DOCK1: variants seen among roughly 807,000 people sequenced by gnomAD.
The protein encoded by DOCK1 is dedicator of cytokinesis 1.
DOCK1 carries 138 observed loss-of-function variants against 262.7 expected under a neutral mutation model. The observed-to-expected ratio is 0.53, with a 90% CI of 0.46 to 0.61. DOCK1 has a LOEUF of 0.61. Among genes scored for constraint, DOCK1 ranks in the 20% least tolerant of loss-of-function variants. The probability of loss-of-function intolerance (pLI) is 0.00; values close to 1 mark genes in which losing one functional copy is unlikely to be tolerated. For missense variants in DOCK1, 1,908 were observed against 2,370.7 expected (o/e 0.80, Z 4.05); for synonymous variants, 866 against 867.4 (o/e 1.00, Z 0.03).
At chr10:126,964,111 A>G (rs1435026004) in intron 1 of DOCK1, among the ~76,000 whole-genome samples, 1 of 152,170 alleles carries the variant, frequency 6.6e-6, no homozygotes, top group Non-Finnish European at 1.5e-5. Flanking sequence ...GTTTGCAACA[A>G]TACAGTTGAC....
intron 13 of DOCK1, among the ~76,000 whole-genome samples, chr10:127,019,756 A>C (rs553815793): frequency 6.6e-6 from 1 of 152,232 alleles, no homozygotes; most frequent in East Asian, 1.9e-4. Flanking sequence ...CTCAAAACAA[A>C]ACTAACTTGA....
chr10:127,236,498 G>T (rs61876360), intron 27 of DOCK1, among the ~76,000 whole-genome samples: 1 of 108,812 alleles, frequency 9.2e-6, no homozygotes, highest in African/African-American at 3.7e-5. Context: ...TTCTTGACAC[G>T]GGTTTTTTTT....
chr10:127,038,413 G>A (rs2043798800), intron 19 of DOCK1, among the ~76,000 whole-genome samples: 1 of 152,268 alleles, frequency 6.6e-6, no homozygotes, highest in African/African-American at 2.4e-5. Context: ...CAACAGTTCA[G>A]TGACCTCTTT....
chr10:127,432,237 GAT>G (rs1477002807), intron 47 of DOCK1, among the ~76,000 whole-genome samples: 1 of 152,118 alleles, frequency 6.6e-6, no homozygotes, highest in Non-Finnish European at 1.5e-5. Flanking sequence ...TTATGAAAGA[GAT>G]AGTTTACACA....
chr10:127,166,373 T>A (rs1203643445), intron 27 of DOCK1, among the ~76,000 whole-genome samples: 1 of 152,220 alleles, frequency 6.6e-6, no homozygotes, highest in Non-Finnish European at 1.5e-5. Context: ...CCCAAAAAAA[T>A]GCCTGCATTT....
intron 43 of DOCK1, 102 bp from the exon 44 acceptor site, chr10:127,415,050 C>A (rs2068077077): frequency 1.8e-6 from 2 of 1,082,654 alleles, no homozygotes; most frequent in East Asian, 2.5e-5. Flanking sequence ...TGCTGAAGGA[C>A]CTGACTCCTT....
At chr10:127,286,940 A>G (rs774646558) in intron 29 of DOCK1, among the ~76,000 whole-genome samples, 3 of 151,344 alleles carry the variant, frequency 2.0e-5, no homozygotes, top group East Asian at 1.9e-4. Flanking sequence ...CAGTGGCACA[A>G]TCTCGGCTCA....
intron 10 of DOCK1, among the ~76,000 whole-genome samples, chr10:127,004,864 T>A (rs2040894795): frequency 6.6e-6 from 1 of 150,462 alleles, no homozygotes; most frequent in Admixed American, 6.7e-5. Context: ...AAATCGCTTG[T>A]TTGTCACTAT....
intron 29 of DOCK1, among the ~76,000 whole-genome samples, chr10:127,263,967 G>A (rs1355963612): frequency 6.6e-6 from 1 of 152,168 alleles, no homozygotes; most frequent in Non-Finnish European, 1.5e-5. Context: ...CAGGTAAACC[G>A]AATCCCTTTG....
At chr10:127,205,475 G>A (rs2057673416) in intron 27 of DOCK1, among the ~76,000 whole-genome samples, 1 of 152,154 alleles carries the variant, frequency 6.6e-6, no homozygotes, top group African/African-American at 2.4e-5. Context: ...AGAAAATAGG[G>A]TAAGCAGATT....
chr10:127,402,501 G>T (rs1199343045), intron 38 of DOCK1, among the ~76,000 whole-genome samples: 1 of 152,142 alleles, frequency 6.6e-6, no homozygotes, highest in Non-Finnish European at 1.5e-5. Context: ...ATGATAACAG[G>T]CTTTATATCC....
intron 27 of DOCK1, among the ~76,000 whole-genome samples, chr10:127,218,956 G>GGA (rs2134415209): frequency 6.6e-6 from 1 of 152,238 alleles, no homozygotes; most frequent in South Asian, 2.1e-4. Flanking sequence ...GGATGGAAAG[G>GGA]GAAGCCAACC....
intron 29 of DOCK1, among the ~76,000 whole-genome samples, chr10:127,314,810 C>A (rs151284291): frequency 1.3e-5 from 2 of 152,146 alleles, no homozygotes; most frequent in African/African-American, 4.8e-5. Context: ...TGACCTCGCA[C>A]CCTCCTAGGG....
intron 27 of DOCK1, among the ~76,000 whole-genome samples, chr10:127,235,782 G>T (rs1020389215): frequency 1.4e-5 from 1 of 70,902 alleles, no homozygotes. Context: ...CATCTTTGTG[G>T]TGGTTGTTTT....
intron 27 of DOCK1, among the ~76,000 whole-genome samples, chr10:127,244,501 T>G (rs1436406213): frequency 6.6e-6 from 1 of 152,222 alleles, no homozygotes; most frequent in Non-Finnish European, 1.5e-5. Context: ...CAATTTATGT[T>G]CCCACCAACA....
At chr10:127,019,181 G>A (rs1341008850) in intron 13 of DOCK1, among the ~76,000 whole-genome samples, 1 of 152,158 alleles carries the variant, frequency 6.6e-6, no homozygotes. Flanking sequence ...AGGGCAAATG[G>A]CAGGGTTGGA....
intron 27 of DOCK1, among the ~76,000 whole-genome samples, chr10:127,208,638 C>T (rs190902580): frequency 6.6e-6 from 1 of 152,172 alleles, no homozygotes; most frequent in East Asian, 1.9e-4. Context: ...TGAATATTAT[C>T]AGGAAGCCAA....
intron 29 of DOCK1, among the ~76,000 whole-genome samples, chr10:127,260,806 TGTGTGTCCCTGC>T (rs2060014419): frequency 2.4e-5 from 1 of 41,250 alleles, no homozygotes; most frequent in Non-Finnish European, 5.0e-5. Flanking sequence ...CGTGCTCATC[TGTGTGTCCCTGC>T]ATGTGTGTGC....
chr10:127,383,633 G>A (rs186614073), intron 37 of DOCK1, among the ~76,000 whole-genome samples: 2 of 152,342 alleles, frequency 1.3e-5, no homozygotes, highest in Non-Finnish European at 1.5e-5. Context: ...TCCCCAGCCC[G>A]TGGTTTCAGG....
Sources: allele counts gnomAD v4.1 joint callset (sites outside exome capture counted in the v4.1 genomes callset), GRCh38; gene constraint gnomAD v4.1.1; transcripts MANE v1.5; gene names NCBI Gene and HGNC (gene_info 2026-07-23, HGNC 2026-07-21).